SUCLG2: variants seen among roughly 807,000 people sequenced by gnomAD.
The protein encoded by SUCLG2 is succinate-CoA ligase GDP-forming subunit beta.
In SUCLG2, 42 loss-of-function variants were observed where a neutral mutation model predicts 47.9. The observed-to-expected ratio is 0.88, with a 90% CI of 0.69 to 1.14. The LOEUF is 1.14. Among genes scored for constraint, SUCLG2 ranks in the 50% most tolerant of loss-of-function variants. SUCLG2 has a pLI of 0.00. For synonymous variants in SUCLG2, 195 were observed against 197.3 expected (o/e 0.99, Z 0.10); for missense variants, 571 against 525.9 (o/e 1.09, Z -0.84).
chr3:67,473,819 T>C (rs1178081037), intron 9 of SUCLG2, among the ~76,000 whole-genome samples: 1 of 151,958 alleles, frequency 6.6e-6, no homozygotes, highest in African/African-American at 2.4e-5. Flanking sequence ...GTAAATGGAG[T>C]AAGAGTTTAT....
chr3:67,464,814 G>C (rs1704429988), intron 9 of SUCLG2, among the ~76,000 whole-genome samples: 1 of 152,178 alleles, frequency 6.6e-6, no homozygotes, highest in Non-Finnish European at 1.5e-5. Flanking sequence ...TATAGAAGTA[G>C]AAATGAGATT....
intron 9 of SUCLG2, among the ~76,000 whole-genome samples, chr3:67,432,235 C>A (rs1357712081): frequency 6.6e-6 from 1 of 152,162 alleles, no homozygotes; most frequent in African/African-American, 2.4e-5. Context: ...CATTGTTTTG[C>A]TGGTTTATTA....
chr3:67,390,589 A>T (rs1261962980), intron 10 of SUCLG2, among the ~76,000 whole-genome samples: 2 of 152,180 alleles, frequency 1.3e-5, no homozygotes, highest in Non-Finnish European at 2.9e-5. Context: ...TATTTGGGGG[A>T]AATTCAGCCT....
chr3:67,642,347 G>A lies in SUCLG2; in HGVS notation c.84+12156C>T, dbSNP rs182402293. Among the ~76,000 whole-genome samples the A allele has an allele frequency of 2.8e-3, 431 of 152,238 alleles. 6 individuals are homozygous for A. Among genetic ancestry groups the A allele is most frequent in the African/African-American group, 9.7e-3 (404 of 41,546 alleles). On this transcript the variant is annotated intron_variant, in intron 1 of 10. Coordinates refer to ENST00000307227, the MANE Select transcript of SUCLG2 (RefSeq NM_003848.4). ...TAGCTAGGCATGGTGGCTCACACCC[G>A]TAATCTCAGCACTTTAGGAGGCTGA...
At chr3:67,627,742 GC>G (rs1218028041) in intron 1 of SUCLG2, among the ~76,000 whole-genome samples, 2 of 152,158 alleles carry the variant, frequency 1.3e-5, no homozygotes, top group African/African-American at 4.8e-5. Context: ...CCTCATCCTG[GC>G]AAAAGGAGCT....
chr3:67,631,745 A>C (rs1700929625), intron 1 of SUCLG2, among the ~76,000 whole-genome samples: 1 of 152,236 alleles, frequency 6.6e-6, no homozygotes, highest in Non-Finnish European at 1.5e-5. Flanking sequence ...GTGATTTGTC[A>C]GTGTCTGCCA....
chr3:67,508,076 C>G (rs1327852551), intron 7 of SUCLG2, among the ~76,000 whole-genome samples: 1 of 152,182 alleles, frequency 6.6e-6, no homozygotes, highest in Non-Finnish European at 1.5e-5. Context: ...GTTATTTATA[C>G]TCTACAACTA....
intron 10 of SUCLG2, among the ~76,000 whole-genome samples, chr3:67,400,235 A>G (rs976278968): frequency 2.0e-5 from 3 of 151,748 alleles, no homozygotes; most frequent in Non-Finnish European, 4.4e-5. Context: ...GCTATAAAAT[A>G]TATAATACAT....
intron 4 of SUCLG2, among the ~76,000 whole-genome samples, chr3:67,525,571 A>T (rs557753329): frequency 3.3e-5 from 5 of 152,330 alleles, no homozygotes; most frequent in African/African-American, 9.6e-5. Context: ...TGAATATCAT[A>T]GCCCTTTTGC....
intron 3 of SUCLG2, among the ~76,000 whole-genome samples, 171 bp from the exon 4 acceptor site, chr3:67,528,393 A>C (rs917897898): frequency 2.0e-5 from 3 of 152,244 alleles, no homozygotes; most frequent in Non-Finnish European, 4.4e-5. Flanking sequence ...CTAGAGGCTC[A>C]CTGAGAGCAA....
intron 2 of SUCLG2, among the ~76,000 whole-genome samples, chr3:67,585,982 AAAAAAAAAAC>A (rs1452724345): frequency 0.023 from 1,136 of 49,026 alleles, 12 homozygotes; most frequent in East Asian, 0.06. Context: ...AAAAAAAAAA[AAAAAAAAAAC>A]CAAACCCACA....
rs1001391253 is a variant in SUCLG2, at chr3:67,376,151, G to A, written c.1184-292C>T. On this transcript the variant is annotated intron_variant, in intron 10 of 10. Coordinates refer to ENST00000307227, the MANE Select transcript of SUCLG2 (RefSeq NM_003848.4). Reference sequence around the variant, plus strand: ...AATCACAGCCATGTGGATTTAATGCGGTTTTGGCCCACACCAGAAGTCACT... The same window carrying A: ...AATCACAGCCATGTGGATTTAATGCAGTTTTGGCCCACACCAGAAGTCACT... 3.1e-5 allele frequency: 30 copies of A among 968,636 alleles called. No individual in the cohort carries two copies. In the East Asian group the frequency reaches 2.5e-3, roughly 81 times the overall value. The allele number at this position is 968,636 out of a possible 1,614,324, so 60.0% of individuals were successfully genotyped here.
chr3:67,642,292 G>T (rs569683782), intron 1 of SUCLG2, among the ~76,000 whole-genome samples: 1 of 152,116 alleles, frequency 6.6e-6, no homozygotes, highest in Admixed American at 6.6e-5. Flanking sequence ...TCTCTGAGCC[G>T]CAGTTTGTTA....
At chr3:67,491,372 T>TTC (rs1665356762) in intron 9 of SUCLG2, among the ~76,000 whole-genome samples, 2 of 146,526 alleles carry the variant, frequency 1.4e-5, no homozygotes, top group Admixed American at 1.4e-4. Flanking sequence ...TTTTTTTTTT[T>TTC]TTTTTTTTCC....
intron 1 of SUCLG2, among the ~76,000 whole-genome samples, chr3:67,652,699 T>C (rs1333194438): frequency 6.6e-6 from 1 of 152,170 alleles, no homozygotes; most frequent in Admixed American, 6.5e-5. Context: ...AAGTATATAC[T>C]CACCAGGAAA....
chr3:67,393,284 A>G (rs552394741), intron 10 of SUCLG2, among the ~76,000 whole-genome samples: 4 of 152,374 alleles, frequency 2.6e-5, no homozygotes, highest in Admixed American at 2.6e-4. Flanking sequence ...AAGGGGTGAC[A>G]GATGGCACCT....
intron 9 of SUCLG2, among the ~76,000 whole-genome samples, chr3:67,465,851 T>C (rs375485583): frequency 2.4e-4 from 37 of 152,262 alleles, no homozygotes; most frequent in African/African-American, 7.7e-4. Flanking sequence ...TTATCTAGTG[T>C]GGCACCCAGC....
chr3:67,647,317 T>C (rs1288235377), intron 1 of SUCLG2, among the ~76,000 whole-genome samples: 1 of 152,258 alleles, frequency 6.6e-6, no homozygotes, highest in Non-Finnish European at 1.5e-5. Flanking sequence ...TATGCATTTA[T>C]GGCTACTGCC....
intron 2 of SUCLG2, among the ~76,000 whole-genome samples, chr3:67,551,983 C>G (rs1707026364): frequency 6.6e-6 from 1 of 152,014 alleles, no homozygotes. Flanking sequence ...ACAACTCTCA[C>G]CTATTCAAGC....
Sources: gnomAD v4.1 joint callset for allele counts (sites outside exome capture counted in the v4.1 genomes callset) on GRCh38, gnomAD v4.1.1 for gene constraint, MANE v1.5 for transcripts, NCBI Gene and HGNC (gene_info 2026-07-23, HGNC 2026-07-21) for gene names.